Variants in OMD observed in about 807,000 individuals in gnomAD.
OMD encodes KSPG osteomodulin.
In OMD, 19 loss-of-function variants were observed where a neutral mutation model predicts 31.2. The ratio of observed to expected loss-of-function variants is 0.61; its 90% CI spans 0.42 to 0.89. The LOEUF (loss-of-function observed/expected upper bound fraction) is 0.89. OMD is among the 40% of genes least tolerant of loss of function. The probability of loss-of-function intolerance (pLI) is 0.00; values close to 1 mark genes in which losing one functional copy is unlikely to be tolerated. For missense variants in OMD, 448 were observed against 490.8 expected, an observed-to-expected ratio of 0.91 and a Z score of 0.82; for synonymous variants, 155 against 166.4, an observed-to-expected ratio of 0.93 and a Z score of 0.53.
chr9:92,418,243 C>T (rs745791345), intron 1 of OMD, among the ~76,000 whole-genome samples: 1 of 151,924 alleles, frequency 6.6e-6, no homozygotes, highest in South Asian at 2.1e-4. Flanking sequence ...CGTGCCACCA[C>T]GCTTGGCTAA....
At chr9:92,418,218 C>G (rs1843677466) in intron 1 of OMD, among the ~76,000 whole-genome samples, 1 of 152,162 alleles carries the variant, frequency 6.6e-6, no homozygotes, top group African/African-American at 2.4e-5. Context: ...TCCCAAGTAT[C>G]TGGGACTACA....
chr9:92,414,440 A>C lies in OMD; in HGVS notation c.*712T>G, dbSNP rs1391665342. On this transcript the variant is annotated 3_prime_UTR_variant, in exon 3 of 3. Transcript: ENST00000375550. ...GTTGCTGAAATCTGCTAAAATACAA[A>C]TTGCAATGAGATAGTTTGGTGTTTT... is the stretch of plus-strand genomic sequence containing the variant. 4.8e-6 allele frequency: 1 copy of C among 208,008 alleles called. No individual in the cohort carries two copies. Among genetic ancestry groups the C allele is most frequent in the Non-Finnish European group, 9.8e-6 (1 of 102,166 alleles). 12.9% of individuals were successfully genotyped at this position (208,008 alleles called of 1,614,324 possible).
intron 1 of OMD, among the ~76,000 whole-genome samples, chr9:92,418,785 G>A (rs1843696242): frequency 1.3e-5 from 2 of 152,010 alleles, no homozygotes; most frequent in South Asian, 2.1e-4. Flanking sequence ...AATATTTTCT[G>A]TCCAAAACTA....
chr9:92,422,669 G>T (rs114419485), intron 1 of OMD, among the ~76,000 whole-genome samples: 1 of 152,004 alleles, frequency 6.6e-6, no homozygotes, highest in African/African-American at 2.4e-5. Flanking sequence ...GTACAATCTT[G>T]TCCCACTCCC....
intron 1 of OMD, among the ~76,000 whole-genome samples, chr9:92,422,927 G>A (rs981013422): frequency 2.6e-5 from 4 of 152,230 alleles, no homozygotes; most frequent in South Asian, 2.1e-4. Flanking sequence ...CAGCAATATT[G>A]TATAATTCAT....
chr9:92,417,442 GT>G lies in OMD; in HGVS notation c.116del (p.Tyr39SerfsTer11). The G allele has an allele frequency of 6.2e-7, 1 of 1,613,902 alleles. No homozygotes were observed. The highest frequency in any genetic ancestry group is 8.5e-7 in the Non-Finnish European group (1 of 1,179,922). Reference protein sequence around the residue: ...EDYDQEPDDDYQTGFPFRQNV... With the variant: ...EDYDQEPDDDXQTGFPFRQNV... ...TTTGACGAAATGGGAATCCTGTTTGGTAATCATCATCTGGCTCTTGGTCATA... is the reference window on the plus strand; with the variant it reads ...TTTGACGAAATGGGAATCCTGTTTGGAATCATCATCTGGCTCTTGGTCATA... On this transcript the variant is annotated frameshift_variant, in exon 2 of 3. Coordinates refer to ENST00000375550, the MANE Select transcript of OMD (RefSeq NM_005014.3). LOFTEE classifies it high-confidence loss of function.
intron 2 of OMD, among the ~76,000 whole-genome samples, chr9:92,416,105 T>A (rs1279431760): frequency 7.0e-6 from 1 of 142,052 alleles, no homozygotes; most frequent in Admixed American, 7.1e-5. Flanking sequence ...TTTATTTTAT[T>A]TTTTTTTTTT....
At chr9:92,417,965 G>A (rs927357734) in intron 1 of OMD, among the ~76,000 whole-genome samples, 6 of 151,816 alleles carry the variant, frequency 4.0e-5, no homozygotes, top group African/African-American at 1.5e-4. Context: ...TGACCTCAAG[G>A]GATCCTCTGG....
intron 1 of OMD, among the ~76,000 whole-genome samples, chr9:92,420,040 C>T (rs1329174816): frequency 2.0e-5 from 3 of 152,162 alleles, no homozygotes. Context: ...CAGGTAGAGT[C>T]AGAGACCCTT....
rs1024214965 is a variant in OMD, at chr9:92,415,368, G to C, written c.1050C>G (p.Ile350Met). 6.2e-6 allele frequency: 10 copies of C among 1,613,474 alleles called. No individual in the cohort carries two copies. The highest frequency in any genetic ancestry group is 4.0e-5 in the African/African-American group (3 of 75,034). The change falls in exon 3 of 3, where the codon ATC (isoleucine) becomes ATG (methionine). Residue 350 changes from isoleucine (I) to methionine (M), a missense_variant. Physicochemically the swap from Ile to Met is conservative, Grantham distance 10. Coordinates refer to ENST00000375550, the MANE Select transcript of OMD (RefSeq NM_005014.3). ...TGTGTATATGAGGGAAGCAGAAGAA[G>C]ATGTATGAGCTTATTGGTTCTTTTA... The part of the protein sequence containing the change: ...NKLKEPISSY[I>M]FFCFPHIHTI...
In OMD at chr9:92,417,222, T is replaced by A; in HGVS notation, c.337A>T (p.Asn113Tyr). 1 of 1,614,042 alleles carries A rather than the reference T, an allele frequency of 6.2e-7. No homozygotes were observed. The change falls in exon 2 of 3, where the codon AAT becomes TAT. Residue 113 changes from asparagine to tyrosine, a missense_variant. Transcript: ENST00000375550. ...IEAVTANSFI[N>Y]ATHLKEINLS... ...TTAATTTCTTTAAGATGAGTTGCAT[T>A]GATGAATGAATTTGCAGTCACAGCC...
chr9:92,417,451 A>G lies in OMD; in HGVS notation c.108T>C (p.Asp36=). 6.2e-7 allele frequency: 1 copy of G among 1,614,060 alleles called. No individual in the cohort carries two copies. The highest frequency in any genetic ancestry group is 8.5e-7 in the Non-Finnish European group (1 of 1,179,960). ...ATGGGAATCCTGTTTGGTAATCATC[A>G]TCTGGCTCTTGGTCATAGTCTTCAT... ...QWDEDYDQEP[D]DDYQTGFPFR... The change falls in exon 2 of 3, where the codon GAT becomes GAC. Residue 36 remains aspartate, a synonymous_variant. Coordinates refer to ENST00000375550, the MANE Select transcript of OMD (RefSeq NM_005014.3).
rs1200530762 is a variant in OMD at position 92,416,609 on chromosome 9, G to A, written c.940+10C>T. ...TTTCTCTCTTCAAAACACAATAAAA[G>A]TCTACATACTTTCTATTTCATTATT... On this transcript the variant is annotated intron_variant, in intron 2 of 2. Transcript: ENST00000375550. The A allele has an allele frequency of 6.9e-7, 1 of 1,446,474 alleles. No individual in the cohort carries two copies. Among genetic ancestry groups the A allele is most frequent in the Non-Finnish European group, 9.4e-7 (1 of 1,062,744 alleles). The allele number at this position is 1,446,474 out of a possible 1,614,324, so 89.6% of individuals were successfully genotyped here.
chr9:92,416,015 AATAT>A (rs1338581836), intron 2 of OMD, among the ~76,000 whole-genome samples: 2 of 143,648 alleles, frequency 1.4e-5, no homozygotes, highest in East Asian at 4.0e-4. Flanking sequence ...TATAAAAGAG[AATAT>A]ATATTTTTTA....
At chr9:92,420,257 A>G (rs1202310744) in intron 1 of OMD, among the ~76,000 whole-genome samples, 1 of 152,138 alleles carries the variant, frequency 6.6e-6, no homozygotes, top group African/African-American at 2.4e-5. Flanking sequence ...TATTGATTCT[A>G]CTGTTTTTCA....
chr9:92,416,704 G>A lies in OMD; in HGVS notation c.855C>T (p.Leu285=), dbSNP rs756795412. The A allele has an allele frequency of 6.2e-7, 1 of 1,613,640 alleles. No individual in the cohort carries two copies. Among genetic ancestry groups the A allele is most frequent in the South Asian group, 1.1e-5 (1 of 91,000 alleles). ...GCTTCAATTTGTTGTGTCCAACACT[G>A]AGTTCTACAATGTTGGGAAGATTAA... is the stretch of plus-strand genomic sequence containing the variant. ...NIFNLPNIVE[L]SVGHNKLKQA... is the part of the protein sequence containing the mutation. Residue 285 remains leucine (L), a synonymous_variant, in exon 2 of 3, where the codon CTC becomes CTT. Transcript: ENST00000375550.
chr9:92,415,125 G>T lies in OMD; in HGVS notation c.*27C>A, dbSNP rs534575934. On this transcript the variant is annotated 3_prime_UTR_variant, in exon 3 of 3. Coordinates refer to ENST00000375550, the MANE Select transcript of OMD (RefSeq NM_005014.3). ...TATTAAGTATAGGTTTTGTGAAGTC[G>T]TAAGTGTATACCTATATAGTTTCTT... is the stretch of plus-strand genomic sequence containing the variant. The T allele has an allele frequency of 4.6e-6, 7 of 1,525,982 alleles. No homozygotes were observed. In the African/African-American group the frequency reaches 8.3e-5, roughly 18 times the overall value. The allele number at this position is 1,525,982 out of a possible 1,614,324, so 94.5% of individuals were successfully genotyped here. A position where few individuals can be genotyped will look rare whatever the true frequency, so the allele number is the denominator to read the frequency against.
At chr9:92,422,787 A>G (rs1000711630) in intron 1 of OMD, among the ~76,000 whole-genome samples, 1 of 152,100 alleles carries the variant, frequency 6.6e-6, no homozygotes, top group Non-Finnish European at 1.5e-5. Flanking sequence ...CCCTGTTACA[A>G]CAATCTCTTA....
At chr9:92,418,826 G>A (rs1457411927) in intron 1 of OMD, among the ~76,000 whole-genome samples, 1 of 152,120 alleles carries the variant, frequency 6.6e-6, no homozygotes, top group Non-Finnish European at 1.5e-5. Context: ...TCATGAAACA[G>A]TTTCCAGAAT....
Sources: gnomAD v4.1 joint callset for allele counts (sites outside exome capture counted in the v4.1 genomes callset) on GRCh38, gnomAD v4.1.1 for gene constraint, MANE v1.5 for transcripts, NCBI Gene and HGNC (gene_info 2026-07-23, HGNC 2026-07-21) for gene names.